Variants in LPP observed in about 807,000 individuals in gnomAD.
LPP encodes the protein lipoma-preferred partner.
In LPP, 38 loss-of-function variants were observed where a neutral mutation model predicts 60.4. That is an observed-to-expected ratio of 0.63 (90% confidence interval 0.49 to 0.83). The LOEUF (loss-of-function observed/expected upper bound fraction) is 0.83, where lower values mean the gene tolerates loss of function less well. LPP is among the 40% of genes least tolerant of loss of function. LPP has a pLI of 0.00. For missense variants in LPP, 902 were observed against 783.6 expected, an observed-to-expected ratio of 1.15 and a Z score of -1.80; for synonymous variants, 328 against 290.8, an observed-to-expected ratio of 1.13 and a Z score of -1.30.
chr3:188,746,397 T>C, intron 8 of LPP: 1 of 467,830 alleles, frequency 2.1e-6, no homozygotes, highest in Non-Finnish European at 4.3e-6. Context: ...ACAGGTTAAT[T>C]AGTAGTATGG....
At chr3:188,482,169 ACTTTC>A (rs1804976541) in intron 4 of LPP, among the ~76,000 whole-genome samples, 1 of 152,116 alleles carries the variant, frequency 6.6e-6, no homozygotes. Context: ...CGTGATTGTA[ACTTTC>A]CTGAGGCCCT....
chr3:188,483,607 A>ATGAATGAATATATGTGTATT (rs1805435201), intron 4 of LPP, among the ~76,000 whole-genome samples: 1 of 152,236 alleles, frequency 6.6e-6, no homozygotes, highest in African/African-American at 2.4e-5. Context: ...CATTCCAGGA[A>ATGAATGAATATATGTGTATT]CCATAAAGCT....
At chr3:188,775,828 T>C (rs573523647) in intron 9 of LPP, among the ~76,000 whole-genome samples, 1 of 152,306 alleles carries the variant, frequency 6.6e-6, no homozygotes, top group South Asian at 2.1e-4. Context: ...ATGAAGAAGA[T>C]TGTTTTTGTG....
At chr3:188,645,353 A>G (rs879406524) in intron 7 of LPP, among the ~76,000 whole-genome samples, 4 of 152,244 alleles carry the variant, frequency 2.6e-5, no homozygotes, top group Non-Finnish European at 4.4e-5. Flanking sequence ...TACGTTGAAG[A>G]CAATACTCAC....
chr3:188,640,730 T>A (rs1177043156), intron 7 of LPP, among the ~76,000 whole-genome samples: 6 of 151,880 alleles, frequency 4.0e-5, no homozygotes, highest in Non-Finnish European at 8.8e-5. Context: ...TTTTTTTTTT[T>A]AAACTTGAAT....
At chr3:188,494,023 G>C (rs1181701740) in intron 5 of LPP, among the ~76,000 whole-genome samples, 1 of 152,056 alleles carries the variant, frequency 6.6e-6, no homozygotes, top group African/African-American at 2.4e-5. Context: ...TGTTGTTCAG[G>C]GTAGCTAGCT....
intron 4 of LPP, among the ~76,000 whole-genome samples, chr3:188,480,319 A>G (rs1257436652): frequency 1.3e-5 from 2 of 152,220 alleles, no homozygotes; most frequent in African/African-American, 4.8e-5. Flanking sequence ...TCTTGCACCC[A>G]GCAAAAACCT....
chr3:188,299,132 T>G (rs1447764970), intron 2 of LPP, among the ~76,000 whole-genome samples: 1 of 152,206 alleles, frequency 6.6e-6, no homozygotes, highest in Non-Finnish European at 1.5e-5. Context: ...GCTCATGGGC[T>G]GAGCTAGAAG....
At chr3:188,375,781 C>CT (rs1400194183) in intron 3 of LPP, among the ~76,000 whole-genome samples, 2 of 152,072 alleles carry the variant, frequency 1.3e-5, no homozygotes, top group Non-Finnish European at 2.9e-5. Context: ...TTTTCTAGTT[C>CT]TTTTAATTGT....
chr3:188,769,730 C>A (rs1735262563), intron 9 of LPP, among the ~76,000 whole-genome samples: 1 of 152,160 alleles, frequency 6.6e-6, no homozygotes, highest in Admixed American at 6.5e-5. Context: ...GAACTACTTT[C>A]TTTGGGACCG....
chr3:188,598,783 A>G (rs898237409), intron 6 of LPP, among the ~76,000 whole-genome samples: 1 of 152,138 alleles, frequency 6.6e-6, no homozygotes, highest in Non-Finnish European at 1.5e-5. Flanking sequence ...GTGCGTTTTA[A>G]TAGCTCTTCA....
chr3:188,483,933 A>G (rs1306884430), intron 4 of LPP, among the ~76,000 whole-genome samples: 1 of 152,164 alleles, frequency 6.6e-6, no homozygotes, highest in Non-Finnish European at 1.5e-5. Context: ...TTGATGTGCA[A>G]CATGTAAAAA....
intron 2 of LPP, among the ~76,000 whole-genome samples, chr3:188,285,665 G>T (rs1743675480): frequency 6.6e-6 from 1 of 152,164 alleles, no homozygotes. Context: ...ACCTCCCAAA[G>T]TGCTGGGATT....
Position 188,154,970 on chromosome 3 carries a change from A to G in LPP, c.-190+718A>G, listed in dbSNP as rs73055667. Among the ~76,000 whole-genome samples, 1,055 of 152,292 alleles carry G rather than the reference A, an allele frequency of 6.9e-3. 12 individuals carry two copies. The highest frequency in any genetic ancestry group is 0.024 in the African/African-American group (1,002 of 41,556). On this transcript the variant is annotated intron_variant, in intron 1 of 11. Coordinates refer to ENST00000617246, the MANE Select transcript of LPP (RefSeq NM_001375462.1). ...CACTGAATGGGGTTTTTGGAGGTTG[A>G]GGAGTTTCCTGAAGCCAGCTAGCGG...
At chr3:188,733,700 C>T (rs757705039) in intron 8 of LPP, among the ~76,000 whole-genome samples, 1 of 152,214 alleles carries the variant, frequency 6.6e-6, no homozygotes, top group Non-Finnish European at 1.5e-5. Context: ...TTACCAAATT[C>T]AGTTGTTAAC....
intron 9 of LPP, among the ~76,000 whole-genome samples, chr3:188,794,909 A>G (rs1744882005): frequency 6.6e-6 from 1 of 152,122 alleles, no homozygotes; most frequent in Admixed American, 6.5e-5. Context: ...ATGCCAAGGC[A>G]GGAGGATCAC....
chr3:188,200,124 A>G (rs567218977), intron 1 of LPP, among the ~76,000 whole-genome samples: 2 of 152,260 alleles, frequency 1.3e-5, no homozygotes, highest in East Asian at 1.9e-4. Flanking sequence ...TGATCGGTTA[A>G]TTTATCTATT....
chr3:188,204,066 C>T (rs1055395622), intron 1 of LPP, among the ~76,000 whole-genome samples: 7 of 152,142 alleles, frequency 4.6e-5, no homozygotes, highest in Non-Finnish European at 8.8e-5. Context: ...GAAGACACTA[C>T]TGACCATACC....
chr3:188,789,475 A>G (rs1439079765), intron 9 of LPP, among the ~76,000 whole-genome samples: 2 of 152,206 alleles, frequency 1.3e-5, no homozygotes, highest in Admixed American at 6.5e-5. Flanking sequence ...GACAGTAAGC[A>G]CTTACCTCGT....
Sources: gnomAD v4.1 joint callset for allele counts (sites outside exome capture counted in the v4.1 genomes callset) on GRCh38, gnomAD v4.1.1 for gene constraint, MANE v1.5 for transcripts, NCBI Gene and HGNC (gene_info 2026-07-23, HGNC 2026-07-21) for gene names.